NHLRC2: variants seen among roughly 807,000 people sequenced by gnomAD.
The protein encoded by NHLRC2 is NHL repeat-containing protein 2.
Under a neutral mutation model 68.1 loss-of-function variants are expected in NHLRC2, and 33 were observed. The observed-to-expected ratio is 0.48, with a 90% CI of 0.37 to 0.65. The LOEUF (loss-of-function observed/expected upper bound fraction) is 0.65. Among genes scored for constraint, NHLRC2 ranks in the 30% least tolerant of loss-of-function variants. NHLRC2 has a pLI of 0.00. For missense variants in NHLRC2, 761 were observed against 853.8 expected (o/e 0.89, Z 1.35); for synonymous variants, 311 against 309.6 (o/e 1.00, Z -0.05).
Position 113,898,172 on chromosome 10 carries a change from G to A in NHLRC2, c.1102G>A (p.Ala368Thr). ...CATGGCAGGGACTCATCAGATATGG[G>A]CACTCCTGCTGGACTCTGGCAAACT... ...IAMAGTHQIW[A>T]LLLDSGKLPK... is the part of the protein sequence containing the mutation. The change falls in exon 6 of 11, where the codon GCA becomes ACA. Residue 368 changes from alanine (A) to threonine (T), a missense_variant. By Grantham distance (58) the Ala-to-Thr change is moderately conservative (BLOSUM62 0). Transcript: ENST00000369301. 1 of 1,612,982 alleles carries A rather than the reference G, an allele frequency of 6.2e-7. No individual in the cohort carries two copies. The highest frequency in any genetic ancestry group is 8.5e-7 in the Non-Finnish European group (1 of 1,179,052).
intron 3 of NHLRC2, among the ~76,000 whole-genome samples, chr10:113,879,239 C>A (rs1284898912): frequency 6.6e-6 from 1 of 152,076 alleles, no homozygotes; most frequent in East Asian, 1.9e-4. Context: ...ATCCAAGGAG[C>A]ATATCTTTCA....
At chr10:113,855,804 C>T (rs1845749269) in intron 1 of NHLRC2, among the ~76,000 whole-genome samples, 1 of 152,142 alleles carries the variant, frequency 6.6e-6, no homozygotes, top group African/African-American at 2.4e-5. Context: ...CGGCCTGCCA[C>T]ACACAGTCCT....
intron 2 of NHLRC2, among the ~76,000 whole-genome samples, chr10:113,875,826 T>G (rs567911817): frequency 1.5e-4 from 23 of 152,210 alleles, no homozygotes; most frequent in Admixed American, 1.3e-3. Context: ...GTGGATGTGT[T>G]GGGAGATTTG....
chr10:113,864,332 G>T (rs1845843511), intron 2 of NHLRC2, among the ~76,000 whole-genome samples: 1 of 152,118 alleles, frequency 6.6e-6, no homozygotes, highest in Non-Finnish European at 1.5e-5. Flanking sequence ...ACAGCAATAG[G>T]AATGTCCTAA....
In NHLRC2 at chr10:113,884,101, T is replaced by C. The variant is rs1846059345; in HGVS notation, c.910-150T>C. The C allele has an allele frequency of 5.7e-6, 3 of 523,148 alleles. No individual in the cohort carries two copies. In the South Asian group the frequency reaches 9.3e-5, roughly 16 times the overall value. The allele number at this position is 523,148 out of a possible 1,614,324, so 32.4% of individuals were successfully genotyped here. On this transcript the variant is annotated intron_variant, in intron 4 of 10. Transcript: ENST00000369301. ...TATGTGCATTTGAATAAGAAGTTCATTCTATAATTGATTGGCCTTTTTTCA... is the reference window on the plus strand; with the variant it reads ...TATGTGCATTTGAATAAGAAGTTCACTCTATAATTGATTGGCCTTTTTTCA...
chr10:113,896,577 TAGTG>T (rs1265988495), intron 5 of NHLRC2, among the ~76,000 whole-genome samples: 1 of 148,260 alleles, frequency 6.7e-6, no homozygotes, highest in Non-Finnish European at 1.5e-5. Context: ...GATGATGAGT[TAGTG>T]GGTGCAGCGC....
At chr10:113,906,166 G>A (rs552749788) in intron 10 of NHLRC2, among the ~76,000 whole-genome samples, 1 of 152,276 alleles carries the variant, frequency 6.6e-6, no homozygotes, top group East Asian at 1.9e-4. Flanking sequence ...GTATTAAATG[G>A]TGTCACTGTA....
chr10:113,902,378 A>G (rs1328333051), intron 7 of NHLRC2, 93 bp from the exon 8 acceptor site: 2 of 815,408 alleles, frequency 2.5e-6, no homozygotes, highest in Non-Finnish European at 3.9e-6. Context: ...CTTAAATACC[A>G]TTTGTAACTG....
chr10:113,913,830 T>TTTG lies in NHLRC2; in HGVS notation c.*5306_*5308dup, dbSNP rs753454281. The TTTG allele has an allele frequency of 6.6e-6, 1 of 152,134 alleles. No individual in the cohort carries two copies. The highest frequency in any genetic ancestry group is 2.4e-5 in the African/African-American group (1 of 41,178). The allele number at this position is 152,134 out of a possible 1,614,324, so 9.4% of individuals were successfully genotyped here. A position where few individuals can be genotyped will look rare whatever the true frequency, so the allele number is the denominator to read the frequency against. On this transcript the variant is annotated 3_prime_UTR_variant, in exon 11 of 11. Coordinates refer to ENST00000369301, the MANE Select transcript of NHLRC2 (RefSeq NM_198514.4). ...CAACCTATTCCAGCATTAGGTACTTTTTGTTGTTGTTGTTTTGTTTTTTTT... is the reference window on the plus strand; with the variant it reads ...CAACCTATTCCAGCATTAGGTACTTTTTGTTGTTGTTGTTGTTTTGTTTTTTTT...
chr10:113,880,958 A>G (rs1439794706), intron 4 of NHLRC2, among the ~76,000 whole-genome samples: 6 of 151,922 alleles, frequency 3.9e-5, no homozygotes, highest in African/African-American at 7.2e-5. Context: ...TGTTGAGTGC[A>G]TTAATGGGGG....
intron 5 of NHLRC2, among the ~76,000 whole-genome samples, chr10:113,888,931 A>G (rs1350904604): frequency 3.3e-5 from 5 of 151,556 alleles, no homozygotes; most frequent in African/African-American, 9.7e-5. Flanking sequence ...GGTTCAAGCA[A>G]TTCTCCTGCC....
intron 2 of NHLRC2, among the ~76,000 whole-genome samples, chr10:113,859,378 G>A (rs1231035101): frequency 6.6e-6 from 1 of 152,018 alleles, no homozygotes; most frequent in African/African-American, 2.4e-5. Context: ...GTGAATTGAA[G>A]CACTAATCTT....
chr10:113,906,121 A>C (rs1846273060), intron 10 of NHLRC2, among the ~76,000 whole-genome samples: 1 of 152,358 alleles, frequency 6.6e-6, no homozygotes. Context: ...AATTTTTCTC[A>C]GTGTAACTGT....
chr10:113,893,364 G>A (rs1589545614), intron 5 of NHLRC2, among the ~76,000 whole-genome samples: 1 of 152,300 alleles, frequency 6.6e-6, no homozygotes, highest in Non-Finnish European at 1.5e-5. Flanking sequence ...ATTCACTAAT[G>A]AAGTCGTTTT....
In NHLRC2 at chr10:113,916,290, G is replaced by C. The variant is rs1469199666; in HGVS notation, c.*7754G>C. 6.6e-6 allele frequency: 1 copy of C among 152,158 alleles called. No homozygotes were observed. Among genetic ancestry groups the C allele is most frequent in the Non-Finnish European group, 1.5e-5 (1 of 68,040 alleles). The allele number at this position is 152,158 out of a possible 1,614,324, so 9.4% of individuals were successfully genotyped here. On this transcript the variant is annotated 3_prime_UTR_variant, in exon 11 of 11. Transcript: ENST00000369301. ...ATATACCTGTAAAAAATAAACTACT[G>C]CTTCCTCTCCACAGCTTAGGCCTCC...
At chr10:113,874,444 G>GT (rs1845960098) in intron 2 of NHLRC2, among the ~76,000 whole-genome samples, 1 of 562 alleles carries the variant, frequency 1.8e-3, no homozygotes, top group African/African-American at 3.1e-3. Context: ...GCATGTGTTT[G>GT]TGTGTGTGTG....
At chr10:113,904,101 T>G (rs895622150) in intron 9 of NHLRC2, among the ~76,000 whole-genome samples, 34 of 151,078 alleles carry the variant, frequency 2.3e-4, no homozygotes, top group Middle Eastern at 3.4e-3. Context: ...TGTTTTTGTT[T>G]TTTTTTTTTT....
intron 2 of NHLRC2, among the ~76,000 whole-genome samples, chr10:113,860,275 A>G (rs890678624): frequency 1.3e-5 from 2 of 152,168 alleles, no homozygotes; most frequent in Non-Finnish European, 2.9e-5. Flanking sequence ...CTGAAAGACT[A>G]TTTGGTGAAC....
intron 2 of NHLRC2, among the ~76,000 whole-genome samples, chr10:113,869,272 T>C (rs1845899848): frequency 6.6e-6 from 1 of 152,202 alleles, no homozygotes; most frequent in Non-Finnish European, 1.5e-5. Context: ...TGTCCTAGAC[T>C]GGTTTTTTGC....
Sources: gnomAD v4.1 joint callset for allele counts (sites outside exome capture counted in the v4.1 genomes callset) on GRCh38, gnomAD v4.1.1 for gene constraint, MANE v1.5 for transcripts, NCBI Gene and HGNC (gene_info 2026-07-23, HGNC 2026-07-21) for gene names.